Variants in HIVEP3 observed in about 807,000 individuals in gnomAD.
HIVEP3 encodes the protein HIVEP zinc finger 3, also known as transcription factor HIVEP3.
HIVEP3 carries 49 observed loss-of-function variants against 152.8 expected under a neutral mutation model. That is an observed-to-expected ratio of 0.32 (90% confidence interval 0.26 to 0.41). The LOEUF (loss-of-function observed/expected upper bound fraction) is 0.41. HIVEP3 is among the 10% of genes least tolerant of loss of function. HIVEP3 has a pLI of 1.00. For missense variants in HIVEP3, 2,790 were observed against 3,103.3 expected (o/e 0.90, Z 2.40); for synonymous variants, 1,269 against 1,289.0 (o/e 0.98, Z 0.33).
intron 1 of HIVEP3, among the ~76,000 whole-genome samples, chr1:41,907,306 A>G (rs906120955): frequency 6.6e-6 from 1 of 152,126 alleles, no homozygotes; most frequent in Non-Finnish European, 1.5e-5. Flanking sequence ...GCTACAGTAA[A>G]AGAGAAAAGG....
rs1184823372 is a variant in HIVEP3 at position 41,998,887 on chromosome 1, C to CTTTTTTTTTT, written n.119+36919_119+36920insAAAAAAAAAA. ...GCTGGTTTTTAATACTTTTCTCTCT[C>CTTTTTTTTTT]TCTTTTTTTTTTTTTTTTTTTTTTT... On this transcript the variant is annotated intron_variant and non_coding_transcript_variant, in intron 1 of 3. Transcript: ENST00000489103. Among the ~76,000 whole-genome samples, 61 of 77,292 alleles carry CTTTTTTTTTT rather than the reference C, an allele frequency of 7.9e-4. 5 individuals are homozygous for CTTTTTTTTTT. The highest frequency in any genetic ancestry group is 2.4e-3 in the South Asian group (4 of 1,694). 50.7% of individuals were successfully genotyped at this position (77,292 alleles called of 152,430 possible). A position where few individuals can be genotyped will look rare whatever the true frequency, so the allele number is the denominator to read the frequency against.
At chr1:41,610,800 T>C (rs1448957008) in intron 3 of HIVEP3, among the ~76,000 whole-genome samples, 2 of 152,218 alleles carry the variant, frequency 1.3e-5, no homozygotes, top group Non-Finnish European at 2.9e-5. Context: ...TCTTCCTTTT[T>C]TGACAACATC....
intron 5 of HIVEP3, among the ~76,000 whole-genome samples, chr1:41,540,465 T>C (rs1643502060): frequency 6.6e-6 from 1 of 152,084 alleles, no homozygotes; most frequent in Admixed American, 6.6e-5. Flanking sequence ...GAACACTGGG[T>C]TGGGGCGTGG....
At chr1:41,608,512 T>C (rs1644852969) in intron 3 of HIVEP3, among the ~76,000 whole-genome samples, 1 of 152,192 alleles carries the variant, frequency 6.6e-6, no homozygotes, top group Non-Finnish European at 1.5e-5. Context: ...CAACTGTACT[T>C]GCTCTTCTGA....
chr1:41,745,539 T>C (rs111943668), intron 1 of HIVEP3, among the ~76,000 whole-genome samples: 5 of 152,326 alleles, frequency 3.3e-5, no homozygotes, highest in African/African-American at 1.2e-4. Flanking sequence ...GCTCTGACCC[T>C]GGAGACAAGG....
At chr1:41,842,956 A>T (rs1434497608) in intron 1 of HIVEP3, among the ~76,000 whole-genome samples, 1 of 152,142 alleles carries the variant, frequency 6.6e-6, no homozygotes, top group Admixed American at 6.5e-5. Flanking sequence ...TTCAGTGTGG[A>T]GAAAGATTTT....
At chr1:41,813,785 T>A (rs747900004) in intron 1 of HIVEP3, among the ~76,000 whole-genome samples, 1 of 151,872 alleles carries the variant, frequency 6.6e-6, no homozygotes, top group Non-Finnish European at 1.5e-5. Context: ...AAACACAGGG[T>A]CTTCACAGCC....
At chr1:41,671,689 C>T (rs1645879232) in intron 2 of HIVEP3, among the ~76,000 whole-genome samples, 1 of 152,234 alleles carries the variant, frequency 6.6e-6, no homozygotes, top group Non-Finnish European at 1.5e-5. Flanking sequence ...TATCCATCCC[C>T]ACACCCACAG....
intron 1 of HIVEP3, among the ~76,000 whole-genome samples, chr1:41,712,707 T>C (rs1646532317): frequency 6.6e-6 from 1 of 152,204 alleles, no homozygotes; most frequent in Admixed American, 6.5e-5. Flanking sequence ...GTCCCAGGTC[T>C]CTTGTATCAC....
chr1:41,638,256 G>GAGAA (rs61470609), intron 2 of HIVEP3, among the ~76,000 whole-genome samples: 11,992 of 121,128 alleles, frequency 0.099, 1,040 homozygotes, highest in Non-Finnish European at 0.12. Context: ...AAGAAAGAGA[G>GAGAA]AGAAAGAAAG....
chr1:41,791,797 C>A (rs1418484909), intron 1 of HIVEP3, among the ~76,000 whole-genome samples: 2 of 152,148 alleles, frequency 1.3e-5, no homozygotes, highest in Non-Finnish European at 2.9e-5. Context: ...GGCTCCTACA[C>A]ACCTCTCTAG....
intron 1 of HIVEP3, among the ~76,000 whole-genome samples, chr1:42,034,685 G>C (rs1645631202): frequency 6.6e-6 from 1 of 152,196 alleles, no homozygotes. Context: ...GAGAGAATGA[G>C]AAGAGCCAAG....
chr1:42,022,493 A>T (rs1645560420), intron 1 of HIVEP3, among the ~76,000 whole-genome samples: 1 of 152,188 alleles, frequency 6.6e-6, no homozygotes, highest in African/African-American at 2.4e-5. Context: ...CATAAATAGC[A>T]TTATTTAAAT....
rs187688982 is a variant in HIVEP3 at position 41,653,197 on chromosome 1, T to G, written c.-720-24250A>C. 3.3e-5 allele frequency among the ~76,000 whole-genome samples: 5 copies of G among 152,266 alleles called. No individual in the cohort carries two copies. In the East Asian group the frequency reaches 9.6e-4, roughly 29 times the overall value. Reference sequence around the variant, plus strand: ...GGAACTCTTCTCCAGCTATTCTGTATGTGTCTAAATGTGTGTGCGTGTGTG... The same window carrying G: ...GGAACTCTTCTCCAGCTATTCTGTAGGTGTCTAAATGTGTGTGCGTGTGTG... On this transcript the variant is annotated intron_variant, in intron 2 of 8. Transcript: ENST00000372583.
intron 1 of HIVEP3, among the ~76,000 whole-genome samples, chr1:41,764,746 C>CA (rs1647904753): frequency 6.6e-6 from 1 of 152,176 alleles, no homozygotes; most frequent in Admixed American, 6.5e-5. Flanking sequence ...AATACTGCCC[C>CA]TGTCCTCAGG....
chr1:41,901,738 G>A (rs1644627458), intron 1 of HIVEP3, among the ~76,000 whole-genome samples: 1 of 152,172 alleles, frequency 6.6e-6, no homozygotes, highest in South Asian at 2.1e-4. Flanking sequence ...GGCTGAAGCG[G>A]AGGAGGGAGG....
chr1:41,932,839 T>G (rs1226759586), intron 1 of HIVEP3, among the ~76,000 whole-genome samples: 2 of 151,884 alleles, frequency 1.3e-5, no homozygotes, highest in African/African-American at 4.8e-5. Context: ...TATACACTAC[T>G]TTAGCTTCAT....
At chr1:41,661,242 A>C (rs1645707308) in intron 2 of HIVEP3, among the ~76,000 whole-genome samples, 1 of 152,186 alleles carries the variant, frequency 6.6e-6, no homozygotes, top group African/African-American at 2.4e-5. Context: ...TATGTCCTTG[A>C]TGAAACATCA....
At chr1:42,008,120 C>G (rs1645471344) in intron 1 of HIVEP3, among the ~76,000 whole-genome samples, 1 of 145,504 alleles carries the variant, frequency 6.9e-6, no homozygotes, top group African/African-American at 2.8e-5. Context: ...AACATAAAAA[C>G]TAGTAAACAG....
Sources: allele counts gnomAD v4.1 joint callset (sites outside exome capture counted in the v4.1 genomes callset), GRCh38; gene constraint gnomAD v4.1.1; transcripts MANE v1.5; gene names NCBI Gene and HGNC (gene_info 2026-07-23, HGNC 2026-07-21).